Variants in UNC13C observed in about 807,000 individuals in gnomAD.
UNC13C encodes unc-13 homolog C.
In UNC13C, 174 loss-of-function variants were observed where a neutral mutation model predicts 245.4. The ratio of observed to expected loss-of-function variants is 0.71; its 90% CI spans 0.63 to 0.80. UNC13C has a LOEUF of 0.80. Ranked by LOEUF, UNC13C falls within the 30% of genes least tolerant of loss-of-function variation. The probability of loss-of-function intolerance (pLI) is 0.00; values close to 1 mark genes in which losing one functional copy is unlikely to be tolerated. For synonymous variants in UNC13C, 992 were observed against 895.1 expected (o/e 1.11, Z -1.93); for missense variants, 2,829 against 2,602.9 (o/e 1.09, Z -1.89).
chr15:54,247,615 A>T (rs557927474), intron 7 of UNC13C, among the ~76,000 whole-genome samples: 1 of 152,276 alleles, frequency 6.6e-6, no homozygotes, highest in South Asian at 2.1e-4. Flanking sequence ...CCCTAAAATG[A>T]TGAGATCTTA....
intron 19 of UNC13C, among the ~76,000 whole-genome samples, chr15:54,458,655 T>C (rs1891664158): frequency 6.9e-6 from 1 of 144,534 alleles, no homozygotes; most frequent in African/African-American, 2.5e-5. Context: ...CCTCTGTCTT[T>C]TTTAAACTAT....
chr15:54,504,395 T>A (rs1229666957), intron 22 of UNC13C, among the ~76,000 whole-genome samples: 1 of 152,150 alleles, frequency 6.6e-6, no homozygotes, highest in Non-Finnish European at 1.5e-5. Flanking sequence ...TTCACAACCA[T>A]CTAATTAAAT....
At chr15:54,473,394 A>G (rs774607626) in intron 19 of UNC13C, among the ~76,000 whole-genome samples, 9 of 151,892 alleles carry the variant, frequency 5.9e-5, no homozygotes, top group Non-Finnish European at 8.8e-5. Context: ...TGAAATATAC[A>G]TTGAATTATT....
At chr15:54,213,178 C>A (rs1011689080) in intron 4 of UNC13C, among the ~76,000 whole-genome samples, 1 of 151,904 alleles carries the variant, frequency 6.6e-6, no homozygotes, top group Non-Finnish European at 1.5e-5. Context: ...GAATATTCCA[C>A]AATGTTTACA....
intron 4 of UNC13C, among the ~76,000 whole-genome samples, chr15:54,226,167 C>T (rs2035375747): frequency 1.3e-5 from 2 of 152,128 alleles, no homozygotes; most frequent in African/African-American, 4.8e-5. Context: ...AGTTGATTGT[C>T]ATGGGTAAGC....
intron 26 of UNC13C, among the ~76,000 whole-genome samples, chr15:54,545,467 G>C (rs921801540): frequency 6.6e-6 from 1 of 152,112 alleles, no homozygotes; most frequent in Admixed American, 6.5e-5. Flanking sequence ...TTAAACTAAA[G>C]AGCTTCTGCA....
intron 2 of UNC13C, among the ~76,000 whole-genome samples, chr15:54,121,955 G>A (rs1274774332): frequency 6.6e-6 from 1 of 151,872 alleles, no homozygotes; most frequent in Non-Finnish European, 1.5e-5. Flanking sequence ...ATTAAAATAT[G>A]GGCATAGTGT....
At chr15:54,455,361 T>C (rs1170646753) in intron 19 of UNC13C, among the ~76,000 whole-genome samples, 1 of 150,738 alleles carries the variant, frequency 6.6e-6, no homozygotes. Context: ...TTAATTTTTC[T>C]CTGGGTAGAT....
chr15:54,438,409 G>T (rs1460017510), intron 19 of UNC13C, among the ~76,000 whole-genome samples: 1 of 151,896 alleles, frequency 6.6e-6, no homozygotes, highest in Admixed American at 6.6e-5. Flanking sequence ...GAATTCTTTT[G>T]TCTAAGTCTT....
At chr15:54,472,473 T>C (rs1892514644) in intron 19 of UNC13C, among the ~76,000 whole-genome samples, 1 of 151,844 alleles carries the variant, frequency 6.6e-6, no homozygotes, top group African/African-American at 2.4e-5. Flanking sequence ...TCTATACTTT[T>C]ATATGTTTTC....
chr15:53,847,920 A>G, the UNC13C span, among the ~76,000 whole-genome samples: 32 of 152,316 alleles, frequency 2.1e-4, no homozygotes, highest in Middle Eastern at 3.4e-3. Flanking sequence ...TACTTAAGCC[A>G]ATCAAAATAC....
chr15:54,084,583 T>G (rs1277687289), intron 2 of UNC13C, among the ~76,000 whole-genome samples: 1 of 152,220 alleles, frequency 6.6e-6, no homozygotes. Context: ...AATGGGTCAT[T>G]TCACTTCTTT....
intron 19 of UNC13C, among the ~76,000 whole-genome samples, chr15:54,434,213 C>T (rs1469653043): frequency 2.0e-5 from 3 of 151,988 alleles, no homozygotes; most frequent in Non-Finnish European, 4.4e-5. Context: ...ACTTTCTTCA[C>T]AGAATTCGAA....
chr15:54,296,385 T>A (rs1357268781), intron 11 of UNC13C, among the ~76,000 whole-genome samples: 2 of 136,466 alleles, frequency 1.5e-5, no homozygotes, highest in Non-Finnish European at 3.2e-5. Flanking sequence ...TTTTTTTTAT[T>A]TTTTTTTATT....
At chr15:54,378,167 AG>A (rs1397252563) in intron 17 of UNC13C, among the ~76,000 whole-genome samples, 33 of 152,192 alleles carry the variant, frequency 2.2e-4, no homozygotes. Flanking sequence ...CACAAGTAAA[AG>A]TATTAGTATT....
At chr15:54,455,017 C>G (rs558300062) in intron 19 of UNC13C, among the ~76,000 whole-genome samples, 68 of 151,358 alleles carry the variant, frequency 4.5e-4, no homozygotes, top group Admixed American at 9.2e-4. Flanking sequence ...TGTTACATTA[C>G]CATAGCTTAC....
chr15:54,494,868 A>C (rs1893880881), intron 20 of UNC13C, 134 bp downstream of exon 20: 1 of 1,095,372 alleles, frequency 9.1e-7, no homozygotes, highest in African/African-American at 1.6e-5. Flanking sequence ...TATGAAGTTA[A>C]CATTAAAGGA....
chr15:54,090,341 C>G (rs181889301), intron 2 of UNC13C, among the ~76,000 whole-genome samples: 36 of 151,662 alleles, frequency 2.4e-4, no homozygotes, highest in South Asian at 6.2e-4. Context: ...GATGAAGGGA[C>G]AAGAAGTCTT....
intron 17 of UNC13C, among the ~76,000 whole-genome samples, chr15:54,391,458 G>T (rs1414113309): frequency 1.3e-5 from 2 of 151,844 alleles, no homozygotes; most frequent in Non-Finnish European, 2.9e-5. Context: ...TTAAAAGGCA[G>T]CAAAGCTTGA....
Sources: gnomAD v4.1 joint callset for allele counts (sites outside exome capture counted in the v4.1 genomes callset) on GRCh38, gnomAD v4.1.1 for gene constraint, MANE v1.5 for transcripts, NCBI Gene and HGNC (gene_info 2026-07-23, HGNC 2026-07-21) for gene names.